The following TAF4 variants were observed in gnomAD, a reference collection of about 807,000 sequenced individuals.
The protein encoded by TAF4 is TATA-box binding protein associated factor 4, also known as transcription initiation factor TFIID subunit 4.
Under a neutral mutation model 90.3 loss-of-function variants are expected in TAF4, and 9 were observed. The ratio of observed to expected loss-of-function variants is 0.10; its 90% CI spans 0.06 to 0.17. TAF4 has a LOEUF of 0.17. Ranked by LOEUF, TAF4 falls within the 10% of genes least tolerant of loss-of-function variation. TAF4 has a pLI of 1.00. For missense variants in TAF4, 1,351 were observed against 1,370.7 expected (o/e 0.99, Z 0.23); for synonymous variants, 818 against 638.9 (o/e 1.28, Z -4.23).
At chr20:62,044,145 T>C (rs1309234022) in intron 1 of TAF4, among the ~76,000 whole-genome samples, 1 of 152,370 alleles carries the variant, frequency 6.6e-6, no homozygotes, top group East Asian at 1.9e-4. Flanking sequence ...CCTTCCAAAA[T>C]TATTTTTTTT....
At chr20:62,030,326 T>C (rs1384716340) in intron 1 of TAF4, among the ~76,000 whole-genome samples, 1 of 152,236 alleles carries the variant, frequency 6.6e-6, no homozygotes, top group East Asian at 1.9e-4. Flanking sequence ...ATCACAGACG[T>C]CACCACCCAG....
At chr20:62,054,378 G>A (rs1238064419) in intron 1 of TAF4, among the ~76,000 whole-genome samples, 1 of 152,182 alleles carries the variant, frequency 6.6e-6, no homozygotes, top group Non-Finnish European at 1.5e-5. Context: ...CTGTGAATTT[G>A]TGCACGCCAA....
At chr20:62,007,182 A>G (rs556024635) in intron 6 of TAF4, among the ~76,000 whole-genome samples, 2 of 152,334 alleles carry the variant, frequency 1.3e-5, no homozygotes, top group Non-Finnish European at 2.9e-5. Flanking sequence ...TTGATTTTTA[A>G]AATGTGCTGA....
intron 1 of TAF4, among the ~76,000 whole-genome samples, chr20:62,021,155 G>A (rs557751793): frequency 1.3e-5 from 2 of 152,228 alleles, no homozygotes; most frequent in East Asian, 3.9e-4. Flanking sequence ...TCAACGCCAG[G>A]CCAAACCACC....
intron 14 of TAF4, among the ~76,000 whole-genome samples, chr20:61,977,754 T>G (rs954958567): frequency 4.6e-5 from 7 of 152,354 alleles, no homozygotes; most frequent in African/African-American, 7.2e-5. Flanking sequence ...GATCCGCACC[T>G]GAGGGCCAGG....
intron 2 of TAF4, 51 bp downstream of exon 2, chr20:62,014,496 G>C (rs750972201): frequency 2.0e-6 from 3 of 1,538,434 alleles, no homozygotes; most frequent in East Asian, 4.7e-5. Flanking sequence ...TGCGTGGGGA[G>C]AGGGGCTGGG....
intron 1 of TAF4, among the ~76,000 whole-genome samples, chr20:62,041,902 G>A (rs1449555040): frequency 6.6e-6 from 1 of 151,350 alleles, no homozygotes; most frequent in Non-Finnish European, 1.5e-5. Flanking sequence ...GTGACAGAGT[G>A]AGGCCCTATC....
At chr20:62,028,525 G>GGC (rs1159227530) in intron 1 of TAF4, among the ~76,000 whole-genome samples, 1 of 152,112 alleles carries the variant, frequency 6.6e-6, no homozygotes, top group Admixed American at 6.5e-5. Context: ...GTGCGTACGG[G>GGC]GCCCTGGAAC....
chr20:62,043,310 A>G (rs958125155), intron 1 of TAF4, among the ~76,000 whole-genome samples: 6 of 152,228 alleles, frequency 3.9e-5, no homozygotes, highest in African/African-American at 1.2e-4. Context: ...CAGAGCTTAC[A>G]GAATAAGGAT....
At chr20:62,003,334 T>C (rs1426677718) in intron 8 of TAF4, 60 bp from the exon 9 acceptor site, 9 of 1,415,070 alleles carry the variant, frequency 6.4e-6, no homozygotes, top group Non-Finnish European at 4.0e-6. Flanking sequence ...ACTATGTGCT[T>C]TGGTGCTTTA....
chr20:62,049,632 T>TGCCCCAACCCCGCACCCTGCCC (rs2056014696), intron 1 of TAF4, among the ~76,000 whole-genome samples: 1 of 141,458 alleles, frequency 7.1e-6, no homozygotes, highest in Non-Finnish European at 1.5e-5. Flanking sequence ...GATCCCTGCC[T>TGCCCCAACCCCGCACCCTGCCC]GCCCCAGCCC....
chr20:61,979,031 C>T (rs2055517145), intron 14 of TAF4: 1 of 153,328 alleles, frequency 6.5e-6, no homozygotes, highest in African/African-American at 2.4e-5. Flanking sequence ...CCCTGTCTTT[C>T]CCATAGGGTC....
intron 1 of TAF4, among the ~76,000 whole-genome samples, chr20:62,063,554 G>A (rs1271828800): frequency 6.6e-6 from 1 of 152,192 alleles, no homozygotes; most frequent in Admixed American, 6.5e-5. Flanking sequence ...GACTAGACAG[G>A]AGCGTGAGAA....
At chr20:62,033,674 T>C (rs1397207928) in intron 1 of TAF4, among the ~76,000 whole-genome samples, 1 of 151,028 alleles carries the variant, frequency 6.6e-6, no homozygotes, top group East Asian at 1.9e-4. Context: ...GAGGCAGAGG[T>C]TGCAGTGAGA....
At chr20:61,997,378 C>G (rs1313110394) in intron 14 of TAF4, among the ~76,000 whole-genome samples, 172 bp downstream of exon 14, 8 of 152,224 alleles carry the variant, frequency 5.3e-5, no homozygotes, top group Admixed American at 5.2e-4. Flanking sequence ...CACAAATAAG[C>G]TGATTTGGAT....
intron 9 of TAF4, among the ~76,000 whole-genome samples, chr20:62,001,637 C>T (rs1009949406): frequency 2.0e-5 from 3 of 152,268 alleles, no homozygotes; most frequent in East Asian, 3.9e-4. Context: ...CTCCTATGGG[C>T]TCCAGGTGCT....
intron 14 of TAF4, among the ~76,000 whole-genome samples, chr20:61,982,411 A>C (rs2055553867): frequency 7.5e-6 from 1 of 133,922 alleles, no homozygotes; most frequent in Admixed American, 7.8e-5. Flanking sequence ...ACCTACACCC[A>C]CCCAAGAGGA....
intron 14 of TAF4, among the ~76,000 whole-genome samples, chr20:61,978,501 C>CACCAACCAAGGGAGGGCGCGAG (rs1244483698): frequency 5.6e-5 from 6 of 106,926 alleles, no homozygotes; most frequent in Non-Finnish European, 9.8e-5. Flanking sequence ...GAGGGCGCGA[C>CACCAACCAAGGGAGGGCGCGAG]ACCAACCAAG....
intron 1 of TAF4, among the ~76,000 whole-genome samples, chr20:62,056,262 C>G (rs1042247664): frequency 6.6e-6 from 1 of 152,084 alleles, no homozygotes; most frequent in African/African-American, 2.4e-5. Flanking sequence ...AACAAGAACG[C>G]GCTTATACAA....
Sources: gnomAD v4.1 joint callset for allele counts (sites outside exome capture counted in the v4.1 genomes callset) on GRCh38, gnomAD v4.1.1 for gene constraint, MANE v1.5 for transcripts, NCBI Gene and HGNC (gene_info 2026-07-23, HGNC 2026-07-21) for gene names.